The following CDH4 variants were observed in gnomAD, a reference collection of about 807,000 sequenced individuals.
CDH4 encodes the protein cadherin-4.
Under a neutral mutation model 86.0 loss-of-function variants are expected in CDH4, and 33 were observed. The ratio of observed to expected loss-of-function variants is 0.38; its 90% confidence interval spans 0.29 to 0.51. The LOEUF (loss-of-function observed/expected upper bound fraction) is 0.51. Ranked by LOEUF, CDH4 falls within the 20% of genes least tolerant of loss-of-function variation. CDH4 has a pLI of 0.86. For missense variants in CDH4, 1,114 were observed against 1,307.4 expected (o/e 0.85, Z 2.28); for synonymous variants, 555 against 549.4 (o/e 1.01, Z -0.14).
At chr20:61,631,583 G>A (rs2086889162) in intron 2 of CDH4, among the ~76,000 whole-genome samples, 2 of 152,216 alleles carry the variant, frequency 1.3e-5, no homozygotes, top group African/African-American at 4.8e-5. Flanking sequence ...GGCAGAGGTT[G>A]CAGTGAGCCG....
intron 2 of CDH4, among the ~76,000 whole-genome samples, chr20:61,257,720 G>A (rs374796430): frequency 1.1e-4 from 16 of 152,246 alleles, no homozygotes; most frequent in Non-Finnish European, 2.1e-4. Flanking sequence ...CTGGGGTGAT[G>A]GCTAAGCTGG....
intron 4 of CDH4, among the ~76,000 whole-genome samples, chr20:61,806,233 G>T (rs113077360): frequency 0.023 from 3,458 of 152,332 alleles, 54 homozygotes; most frequent in Non-Finnish European, 0.035. Flanking sequence ...CAGGCGTCGT[G>T]GCCTGCCTGC....
Position 61,467,906 on chromosome 20 carries a change from C to A in CDH4, c.169+212969C>A, listed in dbSNP as rs530862873. Among the ~76,000 whole-genome samples, 7 of 152,314 alleles carry A rather than the reference C, an allele frequency of 4.6e-5. No homozygotes were observed. In the East Asian group the frequency reaches 1.4e-3, roughly 29 times the overall value. On this transcript the variant is annotated intron_variant, in intron 2 of 15. Transcript: ENST00000614565. ...TTATACTCATGGTTACCATTTATTA[C>A]AGGGAAAGGACCCCAGTTAGAATCC...
At chr20:61,782,696 C>T (rs1029799015) in intron 4 of CDH4, among the ~76,000 whole-genome samples, 5 of 152,180 alleles carry the variant, frequency 3.3e-5, no homozygotes, top group Non-Finnish European at 2.9e-5. Context: ...GAGGTTCTGA[C>T]GTTGCTGGTT....
At chr20:61,595,051 C>G (rs1019022907) in intron 2 of CDH4, among the ~76,000 whole-genome samples, 1 of 152,238 alleles carries the variant, frequency 6.6e-6, no homozygotes, top group African/African-American at 2.4e-5. Flanking sequence ...GTCATTAGCT[C>G]GTGTTGCACA....
At chr20:61,660,279 A>C (rs991715475) in intron 2 of CDH4, among the ~76,000 whole-genome samples, 1 of 152,152 alleles carries the variant, frequency 6.6e-6, no homozygotes, top group Non-Finnish European at 1.5e-5. Context: ...CCCTCCACTT[A>C]CAACAGAAAC....
At chr20:61,278,352 A>G (rs1407946264) in intron 2 of CDH4, among the ~76,000 whole-genome samples, 1 of 152,186 alleles carries the variant, frequency 6.6e-6, no homozygotes, top group Admixed American at 6.5e-5. Flanking sequence ...ATCTCCTTTC[A>G]CTGCTTTGAT....
intron 2 of CDH4, among the ~76,000 whole-genome samples, chr20:61,620,232 A>G (rs2086763497): frequency 1.6e-4 from 2 of 12,854 alleles, no homozygotes; most frequent in African/African-American, 4.6e-4. Context: ...GTAGGCAGAC[A>G]GACAGACATA....
chr20:61,323,199 T>A (rs1446701153), intron 2 of CDH4, among the ~76,000 whole-genome samples: 1 of 151,940 alleles, frequency 6.6e-6, no homozygotes, highest in African/African-American at 2.4e-5. Flanking sequence ...CCTAGGGGAG[T>A]GTGCACCTAG....
At chr20:61,254,158 C>G (rs1340265278) in intron 1 of CDH4, among the ~76,000 whole-genome samples, 2 of 152,174 alleles carry the variant, frequency 1.3e-5, no homozygotes, top group African/African-American at 2.4e-5. Context: ...TTAGGGGAGC[C>G]GTCTCCCTGC....
chr20:61,310,941 C>G (rs2084442087), intron 2 of CDH4, among the ~76,000 whole-genome samples: 1 of 152,172 alleles, frequency 6.6e-6, no homozygotes, highest in Non-Finnish European at 1.5e-5. Context: ...CAGCCACGTT[C>G]TGTGGTACTG....
At position 61,810,996 on chromosome 20, in the gene CDH4, T is replaced by A. The variant is rs146091167; in HGVS notation, c.577-33672T>A. Among the ~76,000 whole-genome samples the A allele has an allele frequency of 3.3e-5, 5 of 152,290 alleles. No individual in the cohort carries two copies. Among genetic ancestry groups the A allele is most frequent in the Admixed American group, 2.6e-4 (4 of 15,300 alleles). ...ATTTGTAACGGGAGCTAGAAAGGAA[T>A]CAGTCAAACGAACTCATGGCTCTTC... On this transcript the variant is annotated intron_variant, in intron 4 of 15. Coordinates refer to ENST00000614565, the MANE Select transcript of CDH4 (RefSeq NM_001794.5). The surrounding 1 kb of genome is among the most constrained non-coding windows in gnomAD (Gnocchi z 4.3).
At chr20:61,464,288 T>A (rs1010593924) in intron 2 of CDH4, among the ~76,000 whole-genome samples, 2 of 152,190 alleles carry the variant, frequency 1.3e-5, no homozygotes, top group Non-Finnish European at 2.9e-5. Context: ...ATAAGTTTAT[T>A]TCCAGGTACA....
chr20:61,721,481 C>G (rs2088041331), intron 2 of CDH4, among the ~76,000 whole-genome samples: 1 of 152,190 alleles, frequency 6.6e-6, no homozygotes, highest in South Asian at 2.1e-4. Context: ...GTTCATTGAC[C>G]TTTCTGCAAA....
intron 2 of CDH4, among the ~76,000 whole-genome samples, chr20:61,565,353 TGATGG>T (rs2086285094): frequency 1.9e-5 from 1 of 51,520 alleles, no homozygotes; most frequent in Non-Finnish European, 4.0e-5. Context: ...GTCCTCTTGG[TGATGG>T]GGTGATGGTG....
chr20:61,904,541 G>A (rs552067223), intron 8 of CDH4, among the ~76,000 whole-genome samples: 40 of 152,280 alleles, frequency 2.6e-4, no homozygotes, highest in East Asian at 2.5e-3. Context: ...GGCAGGCACA[G>A]AAATCCACCC....
rs770502860 is a variant in CDH4, at chr20:61,934,168, C to T, written c.2492C>T (p.Pro831Leu). Residue 831 changes from proline (P) to leucine (L), a missense_variant, in exon 15 of 16, where the codon CCG (proline) becomes CTG (leucine). Physicochemically the swap from Pro to Leu is moderately conservative, Grantham distance 98. Transcript: ENST00000614565. ...CCGGTGGGCGCTGAGCCCCAGTACCCGATCAGGCCCATGGTGCCGCACCCA... is the reference window on the plus strand; with the variant it reads ...CCGGTGGGCGCTGAGCCCCAGTACCTGATCAGGCCCATGGTGCCGCACCCA... ...ERPVGAEPQYPIRPMVPHPGD... is the reference protein window; with the variant it reads ...ERPVGAEPQYLIRPMVPHPGD... The T allele has an allele frequency of 3.2e-5, 52 of 1,605,560 alleles. No individual in the cohort carries two copies. Among genetic ancestry groups the T allele is most frequent in the Non-Finnish European group, 4.2e-5 (49 of 1,175,196 alleles).
chr20:61,673,729 T>C (rs1026383346), intron 2 of CDH4, among the ~76,000 whole-genome samples: 4 of 152,170 alleles, frequency 2.6e-5, no homozygotes, highest in African/African-American at 9.7e-5. Flanking sequence ...CATGGTGCTT[T>C]CAAGAGACAT....
intron 2 of CDH4, among the ~76,000 whole-genome samples, chr20:61,374,963 A>C (rs779710765): frequency 6.6e-6 from 1 of 152,230 alleles, no homozygotes; most frequent in African/African-American, 2.4e-5. Flanking sequence ...ACCAATTGCC[A>C]GTTAGAAAAT....
Sources: gnomAD v4.1 joint callset for allele counts (sites outside exome capture counted in the v4.1 genomes callset) on GRCh38, gnomAD v4.1.1 for gene constraint, Gnocchi (gnomAD v3.1) non-coding constraint, MANE v1.5 for transcripts, NCBI Gene and HGNC (gene_info 2026-07-23, HGNC 2026-07-21) for gene names.